Variants in ZNF83 observed in about 807,000 individuals in gnomAD.
The protein encoded by ZNF83 is zinc finger protein 816B.
For missense variants in ZNF83, 552 were observed against 629.9 expected (o/e 0.88, Z 1.32); for synonymous variants, 209 against 213.0 (o/e 0.98, Z 0.17).
intron 2 of ZNF83, among the ~76,000 whole-genome samples, chr19:52,660,554 G>T (rs1394694958): frequency 1.3e-5 from 2 of 152,024 alleles, no homozygotes; most frequent in Non-Finnish European, 1.5e-5. Flanking sequence ...GGAGGTGGAG[G>T]TTACAGTGAT....
exon 3 of ZNF83, chr19:52,613,090 T>C (rs1295879908): frequency 1.9e-6 from 3 of 1,613,710 alleles, no homozygotes; most frequent in Non-Finnish European, 1.7e-6. Context: ...GCGGAAGAGT[T>C]TGCCACATTC....
At chr19:52,655,761 A>G (rs2061496205) in intron 2 of ZNF83, 2 of 689,958 alleles carry the variant, frequency 2.9e-6, no homozygotes, top group Non-Finnish European at 5.1e-6. Context: ...GAAAAGAGAA[A>G]ATAAGTATTG....
chr19:52,649,311 T>C (rs75288473), intron 3 of ZNF83, among the ~76,000 whole-genome samples: 5,283 of 152,292 alleles, frequency 0.035, 116 homozygotes, highest in Non-Finnish European at 0.053. Flanking sequence ...GCTTTGCAGC[T>C]TTTGTATCGT....
chr19:52,631,255 A>G (rs1016255024), intron 2 of ZNF83, among the ~76,000 whole-genome samples: 1 of 151,992 alleles, frequency 6.6e-6, no homozygotes, highest in Non-Finnish European at 1.5e-5. Context: ...ATCGTGTCCA[A>G]TTAATCTCCC....
chr19:52,660,875 A>ATT (rs67461907), intron 1 of ZNF83: 3 of 153,676 alleles, frequency 2.0e-5, no homozygotes, highest in South Asian at 2.0e-4. Flanking sequence ...TATTTAATTA[A>ATT]TTTTTTTTGA....
chr19:52,647,530 C>T (rs967761000), intron 3 of ZNF83, among the ~76,000 whole-genome samples: 2 of 152,022 alleles, frequency 1.3e-5, no homozygotes, highest in Non-Finnish European at 2.9e-5. Context: ...AATCCCCTTG[C>T]CTCAGTCTCC....
chr19:52,629,400 C>T (rs2060865847), intron 2 of ZNF83, among the ~76,000 whole-genome samples: 1 of 152,096 alleles, frequency 6.6e-6, no homozygotes, highest in Non-Finnish European at 1.5e-5. Context: ...CTGAGTCTTT[C>T]TAATCTTCCT....
intron 1 of ZNF83, among the ~76,000 whole-genome samples, chr19:52,671,585 G>A (rs1408132434): frequency 6.6e-6 from 1 of 152,062 alleles, no homozygotes; most frequent in Non-Finnish European, 1.5e-5. Flanking sequence ...TGGAGCTGCA[G>A]GCCCTCACCA....
intron 2 of ZNF83, chr19:52,618,694 G>A (rs1425178123): frequency 1.1e-4 from 79 of 710,908 alleles, no homozygotes; most frequent in Non-Finnish European, 1.5e-4. Context: ...ACCACGCCTT[G>A]CCAGCCATAA....
At position 52,624,808 on chromosome 19, in the gene ZNF83, C is replaced by A. The variant is rs528030503; in HGVS notation, c.-233-10011G>T. 2.0e-5 allele frequency among the ~76,000 whole-genome samples: 3 copies of A among 152,304 alleles called. No homozygotes were observed. The South Asian group carries it at 6.2e-4, about 32-fold the overall frequency. ...GGCCCTCAAAGTCACAAACTATGCT[C>A]AACTCACTCTCCACATTTCTCATAA... On this transcript the variant is annotated intron_variant, in intron 2 of 2. Coordinates refer to ENST00000301096, the Ensembl canonical transcript of ZNF83.
At chr19:52,639,996 AC>A (rs1370895356), upstream of ZNF83, among the ~76,000 whole-genome samples, 1 of 152,174 alleles carries the variant, frequency 6.6e-6, no homozygotes, top group Non-Finnish European at 1.5e-5. Context: ...AGAGGACTTG[AC>A]AACACTCTTG....
chr19:52,683,538 T>C (rs1296370531), intron 1 of ZNF83, among the ~76,000 whole-genome samples: 3 of 88,040 alleles, frequency 3.4e-5, no homozygotes, highest in African/African-American at 1.7e-4. Flanking sequence ...AAGGGCAAAG[T>C]CCCTGCCCAT....
chr19:52,622,313 C>G (rs2060579620), intron 2 of ZNF83, among the ~76,000 whole-genome samples: 1 of 152,194 alleles, frequency 6.6e-6, no homozygotes, highest in African/African-American at 2.4e-5. Flanking sequence ...TCTCGTGAGA[C>G]ACCACTAAAT....
chr19:52,626,100 T>G (rs2060726964), intron 2 of ZNF83, among the ~76,000 whole-genome samples: 1 of 152,094 alleles, frequency 6.6e-6, no homozygotes, highest in Admixed American at 6.5e-5. Flanking sequence ...ATCCCACTCA[T>G]GATACCAAAC....
chr19:52,629,137 T>C (rs1481700061), intron 2 of ZNF83, among the ~76,000 whole-genome samples: 1 of 152,152 alleles, frequency 6.6e-6, no homozygotes, highest in African/African-American at 2.4e-5. Context: ...TATTTTCTTC[T>C]GCAATGCCGC....
intron 1 of ZNF83, among the ~76,000 whole-genome samples, chr19:52,666,490 A>C (rs1408620312): frequency 6.6e-6 from 1 of 152,074 alleles, no homozygotes; most frequent in East Asian, 1.9e-4. Flanking sequence ...TAACCCAGTA[A>C]ACCGCGGATG....
At chr19:52,684,548 T>A (rs868142508) in intron 1 of ZNF83, among the ~76,000 whole-genome samples, 16 of 125,008 alleles carry the variant, frequency 1.3e-4, no homozygotes, top group African/African-American at 1.7e-4. Context: ...AGACTCTGTC[T>A]AAAAAAAGAA....
chr19:52,683,228 CTG>C (rs67463602), intron 1 of ZNF83, among the ~76,000 whole-genome samples: 4,071 of 127,748 alleles, frequency 0.032, 58 homozygotes, highest in Middle Eastern at 0.047. Context: ...CCCTGTGACT[CTG>C]TGTGTGTGTG....
At chr19:52,640,363 C>A (rs10418303), upstream of ZNF83, among the ~76,000 whole-genome samples, 1 of 152,034 alleles carries the variant, frequency 6.6e-6, no homozygotes, top group Non-Finnish European at 1.5e-5. Flanking sequence ...TTAGCAGAAT[C>A]ATGACAGCTT....
Sources: gnomAD v4.1 joint callset for allele counts (sites outside exome capture counted in the v4.1 genomes callset) on GRCh38, gnomAD v4.1.1 for gene constraint, MANE v1.5 for transcripts, NCBI Gene and HGNC (gene_info 2026-07-23, HGNC 2026-07-21) for gene names.